Variants in ARAP1 observed in about 807,000 individuals in gnomAD.
ARAP1 encodes the protein ArfGAP with RhoGAP domain, ankyrin repeat and PH domain 1.
In ARAP1, 76 loss-of-function variants were observed where a neutral mutation model predicts 172.2. The observed-to-expected ratio is 0.44, with a 90% CI of 0.37 to 0.53. The LOEUF is 0.53. Among genes scored for constraint, ARAP1 ranks in the 20% least tolerant of loss-of-function variants. The pLI is 0.00. For missense variants in ARAP1, 1,686 were observed against 1,977.5 expected (o/e 0.85, Z 2.80); for synonymous variants, 804 against 803.3 (o/e 1.00, Z -0.01).
At chr11:72,739,258 G>A (rs534390388) in intron 1 of ARAP1, among the ~76,000 whole-genome samples, 94 of 152,248 alleles carry the variant, frequency 6.2e-4, no homozygotes, top group Middle Eastern at 3.4e-3. Flanking sequence ...GCACACTGGG[G>A]TCTCCTGTCC....
intron 1 of ARAP1, among the ~76,000 whole-genome samples, chr11:72,746,810 A>G (rs944613381): frequency 6.6e-6 from 1 of 152,220 alleles, no homozygotes; most frequent in African/African-American, 2.4e-5. Flanking sequence ...TGAGTACAGT[A>G]AAGATAAATG....
At position 72,703,882 on chromosome 11, in the gene ARAP1, C is replaced by T. The variant is rs1258370104; in HGVS notation, c.1992+270G>A. ...TTGGCAGGATTCAGAAGCAACCGGA[C>T]GGGGTGCAGGAGACTGAGGAATTGG... On this transcript the variant is annotated intron_variant, in intron 14 of 34. Transcript: ENST00000393609. 9 of 488,796 alleles carry T rather than the reference C, an allele frequency of 1.8e-5. No individual in the cohort carries two copies. The East Asian group carries it at 1.9e-4, about 10-fold the overall frequency. 30.3% of individuals were successfully genotyped at this position (488,796 alleles called of 1,614,324 possible).
Position 72,697,065 on chromosome 11 carries a change from G to T in ARAP1, c.3084C>A (p.Ser1028=). ...KEGEQHVDDV[S]SALKRFLRDL... ...CGCGCAGGAAGCGCTTGAGCGCCGAGGAAACATCATCCACGTGCTGCTCGC... is the reference window on the plus strand; with the variant it reads ...CGCGCAGGAAGCGCTTGAGCGCCGATGAAACATCATCCACGTGCTGCTCGC... The change falls in exon 22 of 35, where the codon TCC becomes TCA. Residue 1028 remains serine (S), a synonymous_variant. Transcript: ENST00000393609. 1 of 1,610,362 alleles carries T rather than the reference G, an allele frequency of 6.2e-7. No individual in the cohort carries two copies.
At chr11:72,722,208 TG>T (rs1857547411) in intron 3 of ARAP1, 1 of 985,020 alleles carries the variant, frequency 1.0e-6, no homozygotes, top group Non-Finnish European at 1.2e-6. Context: ...TGTGTGTGAG[TG>T]TGTGTGACTC....
rs1335594092 is a variant in ARAP1 at position 72,711,467 on chromosome 11, A to T, written c.1055T>A (p.Leu352Gln). The T allele has an allele frequency of 1.9e-6, 3 of 1,613,202 alleles. No individual in the cohort carries two copies. The highest frequency in any genetic ancestry group is 2.5e-6 in the Non-Finnish European group (3 of 1,179,200). Reference protein sequence around the residue: ...SYIYQKRWVRLDTDHLRYFDS... With the variant: ...SYIYQKRWVRQDTDHLRYFDS... The stretch of plus-strand genomic sequence containing the variant: ...AAAGTATCGCAGGTGATCAGTATCC[A>T]GTCTCACCCATCGTTTCTGATAGAT... The change falls in exon 8 of 35, where the codon CTG becomes CAG. Residue 352 changes from leucine to glutamine, a missense_variant. This residue lies in a region of ARAP1 where 688 missense variants were observed against 856.9 expected (regional missense o/e 0.80). Coordinates refer to ENST00000393609, the MANE Select transcript of ARAP1 (RefSeq NM_001040118.3).
chr11:72,686,126 C>T lies in ARAP1; in HGVS notation c.4251G>A (p.Leu1417=), dbSNP rs764479325. ...GAAGGGGGATCAGTGACACACTACC[C>T]AGCCGGACCTCAGGCACTGCCCGGG... ...RVSRAVPEVR[L]GSVSLIPLRG... Residue 1417 remains leucine, a synonymous_variant, in exon 34 of 35, where the codon CTG becomes CTA. Coordinates refer to ENST00000393609, the MANE Select transcript of ARAP1 (RefSeq NM_001040118.3). The T allele has an allele frequency of 6.2e-7, 1 of 1,614,042 alleles. No homozygotes were observed. The highest frequency in any genetic ancestry group is 8.5e-7 in the Non-Finnish European group (1 of 1,180,030).
chr11:72,715,554 A>T (rs1591214002), intron 3 of ARAP1, among the ~76,000 whole-genome samples: 1 of 145,250 alleles, frequency 6.9e-6, no homozygotes, highest in East Asian at 2.0e-4. Flanking sequence ...GGGAATATCC[A>T]CTAGTTTTTT....
chr11:72,687,531 T>C (rs371527949), intron 32 of ARAP1, 29 bp from the exon 33 acceptor site: 1 of 1,614,076 alleles, frequency 6.2e-7, no homozygotes, highest in Non-Finnish European at 8.5e-7. Context: ...ACCCACATGA[T>C]GCCAAAGGCC....
Position 72,741,602 on chromosome 11 carries a change from T to C in ARAP1, c.-127-9005A>G, listed in dbSNP as rs1014679599. Among the ~76,000 whole-genome samples, 1 of 151,930 alleles carries C rather than the reference T, an allele frequency of 6.6e-6. No homozygotes were observed. The highest frequency in any genetic ancestry group is 1.5e-5 in the Non-Finnish European group (1 of 67,984). ...TCCAGGAAGATCCTCCTGTGACCAC[T>C]GCCCCCAGCGGGAGCAGGAGGGGGA... On this transcript the variant is annotated intron_variant, in intron 1 of 34. Transcript: ENST00000393609. This position sits in a 1 kb window ranked among gnomAD's most constrained non-coding sequence, Gnocchi z 4.5.
At chr11:72,737,533 C>T (rs1235195465) in intron 1 of ARAP1, among the ~76,000 whole-genome samples, 1 of 152,192 alleles carries the variant, frequency 6.6e-6, no homozygotes, top group African/African-American at 2.4e-5. Flanking sequence ...TAGCCAAAGA[C>T]AGGCACCCTC....
In ARAP1 at chr11:72,710,104, G is replaced by T; in HGVS notation, c.1417-128C>A. The T allele has an allele frequency of 2.3e-6, 2 of 878,198 alleles. No homozygotes were observed. 54.4% of individuals were successfully genotyped at this position (878,198 alleles called of 1,614,324 possible). A position where few individuals can be genotyped will look rare whatever the true frequency, so the allele number is the denominator to read the frequency against. ...GGGGTGCCCAGGAGGGAGACAGCAGGGGACATGGGAGGCTGGGCAGGGTAA... is the reference window on the plus strand; with the variant it reads ...GGGGTGCCCAGGAGGGAGACAGCAGTGGACATGGGAGGCTGGGCAGGGTAA... On this transcript the variant is annotated intron_variant, in intron 10 of 34. Coordinates refer to ENST00000393609, the MANE Select transcript of ARAP1 (RefSeq NM_001040118.3). The surrounding 1 kb of genome is among the most constrained non-coding windows in gnomAD (Gnocchi z 4.3).
Position 72,693,549 on chromosome 11 carries a change from C to T in ARAP1, c.3809-79G>A. ...GGGTCCCAGGATGAAGGAAGCTGCC[C>T]CATCCTGCCCCAGCCTCTCCATAGA... is the stretch of plus-strand genomic sequence containing the variant. On this transcript the variant is annotated intron_variant, in intron 28 of 34. Coordinates refer to ENST00000393609, the MANE Select transcript of ARAP1 (RefSeq NM_001040118.3). This position sits in a 1 kb window ranked among gnomAD's most constrained non-coding sequence, Gnocchi z 4.6. The T allele has an allele frequency of 6.4e-7, 1 of 1,557,568 alleles. No homozygotes were observed. The highest frequency in any genetic ancestry group is 8.7e-7 in the Non-Finnish European group (1 of 1,149,010).
At chr11:72,720,282 G>C (rs186455857) in intron 3 of ARAP1, among the ~76,000 whole-genome samples, 3 of 152,102 alleles carry the variant, frequency 2.0e-5, no homozygotes, top group Non-Finnish European at 4.4e-5. Context: ...TCAGGGGCCC[G>C]GGCCTCAGTC....
Position 72,687,752 on chromosome 11 carries a change from AG to A in ARAP1, c.4071-15del, listed in dbSNP as rs1462839144. 1 of 1,613,994 alleles carries A rather than the reference AG, an allele frequency of 6.2e-7. No individual in the cohort carries two copies. Among genetic ancestry groups the A allele is most frequent in the African/African-American group, 1.3e-5 (1 of 74,902 alleles). On this transcript the variant is annotated splice_polypyrimidine_tract_variant and intron_variant, in intron 31 of 34. Transcript: ENST00000393609. ...GTGAAGCCCCAGCTACAGAGGAAGA[AG>A]GGAGAGAGTTGGGTGTTTGACAGGC... is the stretch of plus-strand genomic sequence containing the variant.
chr11:72,697,047 G>A lies in ARAP1; in HGVS notation c.3102C>T (p.Phe1034=), dbSNP rs771816029. The part of the protein sequence containing the change: ...VDDVSSALKR[F]LRDLPDGLFT... ...AGAGCCCATCAGGCAGGTCGCGCAG[G>A]AAGCGCTTGAGCGCCGAGGAAACAT... Residue 1034 remains phenylalanine, a synonymous_variant, in exon 22 of 35, where the codon TTC becomes TTT. Transcript: ENST00000393609. 7.8e-5 allele frequency: 126 copies of A among 1,610,078 alleles called. 1 individual carries two copies. Among genetic ancestry groups the A allele is most frequent in the Non-Finnish European group, 1.0e-4 (120 of 1,179,944 alleles).
At position 72,726,426 on chromosome 11, in the gene ARAP1, G is replaced by T. The variant is rs1051875276; in HGVS notation, c.509+194C>A. Among the ~76,000 whole-genome samples the T allele has an allele frequency of 6.6e-6, 1 of 152,150 alleles. No individual in the cohort carries two copies. The highest frequency in any genetic ancestry group is 1.5e-5 in the Non-Finnish European group (1 of 68,024). On this transcript the variant is annotated intron_variant, in intron 3 of 34. Coordinates refer to ENST00000393609, the MANE Select transcript of ARAP1 (RefSeq NM_001040118.3). This position sits in a 1 kb window ranked among gnomAD's most constrained non-coding sequence, Gnocchi z 6.5. ...ACACGCCCAGCAGCCCAGGCACTGC[G>T]CTGAGTACCTGCACAGCTCTCCCCT... is the stretch of plus-strand genomic sequence containing the variant.
intron 2 of ARAP1, among the ~76,000 whole-genome samples, chr11:72,728,907 T>C (rs1226109116): frequency 6.6e-6 from 1 of 152,224 alleles, no homozygotes; most frequent in Non-Finnish European, 1.5e-5. Context: ...CAGAATTTTT[T>C]TTGAAGCTGA....
At chr11:72,738,392 C>T (rs1352858492) in intron 1 of ARAP1, among the ~76,000 whole-genome samples, 22 of 152,288 alleles carry the variant, frequency 1.4e-4, no homozygotes, top group South Asian at 2.1e-4. Context: ...AAGGTCCTAA[C>T]CCTTTCCACA....
rs904160534 is a variant in ARAP1, at chr11:72,725,411, G to A, written c.509+1209C>T. ...AGAATGGTCACTAGAGGGCGCAAGG[G>A]CACCAGGAACCTTCAATCTGAGCTT... On this transcript the variant is annotated intron_variant, in intron 3 of 34. Transcript: ENST00000393609. This position sits in a 1 kb window ranked among gnomAD's most constrained non-coding sequence, Gnocchi z 4.3. 6.6e-6 allele frequency among the ~76,000 whole-genome samples: 1 copy of A among 152,024 alleles called. No individual in the cohort carries two copies. Among genetic ancestry groups the A allele is most frequent in the Non-Finnish European group, 1.5e-5 (1 of 68,006 alleles).
Sources: allele counts gnomAD v4.1 joint callset (sites outside exome capture counted in the v4.1 genomes callset), GRCh38; gene constraint gnomAD v4.1.1; regional missense constraint gnomAD v4.1.1; non-coding constraint Gnocchi (gnomAD v3.1); transcripts MANE v1.5; gene names NCBI Gene and HGNC (gene_info 2026-07-23, HGNC 2026-07-21).